Variants in PLEKHS1 observed in about 807,000 individuals in gnomAD.
PLEKHS1 encodes the protein pleckstrin homology domain-containing family S member 1.
In PLEKHS1, 55 loss-of-function variants were observed where a neutral mutation model predicts 51.0. That is an observed-to-expected ratio of 1.08 (90% CI 0.87 to 1.35). The LOEUF (loss-of-function observed/expected upper bound fraction) is 1.35, where lower values mean the gene tolerates loss of function less well. PLEKHS1 is among the 40% of genes most tolerant of loss of function. PLEKHS1 has a pLI of 0.00. For missense variants in PLEKHS1, 398 were observed against 423.0 expected (o/e 0.94, Z 0.52); for synonymous variants, 153 against 144.8 (o/e 1.06, Z -0.41).
At chr10:113,766,358 G>T in intron 2 of PLEKHS1, 53 bp from the exon 3 acceptor site, 1 of 1,132,990 alleles carries the variant, frequency 8.8e-7, no homozygotes. Context: ...AATTGAGGCA[G>T]TTCTTTTCAG....
intron 2 of PLEKHS1, among the ~76,000 whole-genome samples, chr10:113,761,146 T>C (rs1246943585): frequency 2.6e-5 from 4 of 152,202 alleles, no homozygotes; most frequent in African/African-American, 7.2e-5. Context: ...CTATGTGTCT[T>C]ATCTGTCCTT....
intron 2 of PLEKHS1, among the ~76,000 whole-genome samples, chr10:113,762,383 T>C (rs893414040): frequency 6.7e-6 from 1 of 148,964 alleles, no homozygotes; most frequent in Non-Finnish European, 1.5e-5. Flanking sequence ...TTTTTTTTTT[T>C]TTTCAGTTTA....
chr10:113,777,303 G>A (rs760746357), intron 11 of PLEKHS1, 44 bp downstream of exon 12: 12 of 1,608,766 alleles, frequency 7.5e-6, no homozygotes, highest in Non-Finnish European at 1.0e-5. Context: ...ATCAGTACCA[G>A]AAGGAAAAAG....
intron 10 of PLEKHS1, among the ~76,000 whole-genome samples, chr10:113,775,275 C>T (rs889692164): frequency 6.6e-6 from 1 of 151,992 alleles, no homozygotes. Context: ...TAAAAATTCC[C>T]CCTTGGCTAC....
intron 2 of PLEKHS1, among the ~76,000 whole-genome samples, chr10:113,760,150 ATTATC>A (rs1843854611): frequency 6.6e-6 from 1 of 152,160 alleles, no homozygotes. Context: ...ACTCAGCATA[ATTATC>A]TTGAGATTTA....
chr10:113,752,261 T>C (rs980860624), intron 1 of PLEKHS1, among the ~76,000 whole-genome samples: 3 of 152,224 alleles, frequency 2.0e-5, no homozygotes, highest in Admixed American at 6.5e-5. Flanking sequence ...TAAATGGGCA[T>C]TGTATCATTG....
intron 11 of PLEKHS1, among the ~76,000 whole-genome samples, 176 bp from the exon 13 acceptor site, chr10:113,780,426 C>T (rs551291472): frequency 6.6e-6 from 1 of 152,246 alleles, no homozygotes; most frequent in East Asian, 1.9e-4. Flanking sequence ...AAAAATCCAC[C>T]TTCCACCTAA....
At chr10:113,777,933 T>C (rs1844747144) in intron 11 of PLEKHS1, 12 of 481,292 alleles carry the variant, frequency 2.5e-5, no homozygotes, top group South Asian at 1.3e-4. Flanking sequence ...AAGGTTACAG[T>C]GTGCTATGAT....
At chr10:113,772,857 G>A (rs1844474724) in intron 8 of PLEKHS1, among the ~76,000 whole-genome samples, 2 of 152,190 alleles carry the variant, frequency 1.3e-5, no homozygotes, top group Admixed American at 6.5e-5. Context: ...GGTCTTGAAT[G>A]CCAAGTTGAC....
chr10:113,752,774 G>A (rs900195893), intron 1 of PLEKHS1, among the ~76,000 whole-genome samples: 1 of 152,190 alleles, frequency 6.6e-6, no homozygotes, highest in African/African-American at 2.4e-5. Flanking sequence ...TGCAGCACAT[G>A]ACTCTGGAGC....
At chr10:113,755,991 C>G (rs1277164038) in intron 2 of PLEKHS1, among the ~76,000 whole-genome samples, 1 of 152,186 alleles carries the variant, frequency 6.6e-6, no homozygotes, top group African/African-American at 2.4e-5. Flanking sequence ...ATGAGGGTAG[C>G]TCAATGTATG....
At chr10:113,753,890 C>T (rs573830152) in intron 1 of PLEKHS1, among the ~76,000 whole-genome samples, 3 of 149,898 alleles carry the variant, frequency 2.0e-5, no homozygotes, top group South Asian at 2.1e-4. Context: ...GGCTCACTAC[C>T]TCTGCCTTCT....
rs1844149038 is a variant in PLEKHS1, at chr10:113,766,108, T to C, written c.29-303T>C. ...ATGCAGAATTATCATGCTTCTGCAA[T>C]GGAAATACAGCCAAATCTTTGCTCA... On this transcript the variant is annotated intron_variant, in intron 2 of 11. Transcript: ENST00000361048. Among the ~76,000 whole-genome samples the C allele has an allele frequency of 3.3e-5, 5 of 152,354 alleles. 1 individual carries two copies. The South Asian group carries it at 1.0e-3, about 32-fold the overall frequency.
At chr10:113,762,365 C>CTTTTTTTTTTTTTTTTTTTTTTGTTT (rs34457408) in intron 2 of PLEKHS1, among the ~76,000 whole-genome samples, 1 of 61,770 alleles carries the variant, frequency 1.6e-5, no homozygotes. Flanking sequence ...AGATTTGTTC[C>CTTTTTTTTTTTTTTTTTTTTTTGTTT]TTTTTTTTTT....
At chr10:113,752,828 CT>C (rs1178554970) in intron 1 of PLEKHS1, among the ~76,000 whole-genome samples, 2 of 152,182 alleles carry the variant, frequency 1.3e-5, no homozygotes, top group Admixed American at 6.5e-5. Flanking sequence ...CCAAAGCACA[CT>C]TTGACATCCA....
At chr10:113,775,446 T>C (rs1400240598) in intron 10 of PLEKHS1, among the ~76,000 whole-genome samples, 1 of 152,110 alleles carries the variant, frequency 6.6e-6, no homozygotes, top group East Asian at 1.9e-4. Context: ...TTTGGTACGA[T>C]TGATGTAATT....
At chr10:113,774,328 A>T in exon 9 of PLEKHS1, 1 of 1,563,642 alleles carries the variant, frequency 6.4e-7, no homozygotes, top group Non-Finnish European at 8.6e-7. Context: ...AGCCAATGGA[A>T]TCCTAGTAAG....
chr10:113,771,049 C>G (rs868477089), intron 7 of PLEKHS1, among the ~76,000 whole-genome samples: 2 of 152,136 alleles, frequency 1.3e-5, no homozygotes, highest in Non-Finnish European at 2.9e-5. Flanking sequence ...TTTCCAAACC[C>G]CCTGCTCTGA....
chr10:113,755,865 T>C (rs961137786), intron 2 of PLEKHS1, among the ~76,000 whole-genome samples: 6 of 152,352 alleles, frequency 3.9e-5, no homozygotes, highest in Admixed American at 3.9e-4. Context: ...TTCCATTCAT[T>C]GCCCAAAGAT....
Sources: gnomAD v4.1 joint callset for allele counts (sites outside exome capture counted in the v4.1 genomes callset) on GRCh38, gnomAD v4.1.1 for gene constraint, MANE v1.5 for transcripts, NCBI Gene and HGNC (gene_info 2026-07-23, HGNC 2026-07-21) for gene names.